Variants in KCNQ3 observed in about 807,000 individuals in gnomAD.
KCNQ3 encodes potassium voltage-gated channel subfamily Q member 3.
Under a neutral mutation model 92.5 loss-of-function variants are expected in KCNQ3, and 30 were observed. That is an observed-to-expected ratio of 0.32 (90% confidence interval 0.24 to 0.44). The LOEUF is 0.44. Among genes scored for constraint, KCNQ3 ranks in the 20% least tolerant of loss-of-function variants. The probability of loss-of-function intolerance (pLI) is 1.00; values close to 1 mark genes in which losing one functional copy is unlikely to be tolerated. For missense variants in KCNQ3, 913 were observed against 1,140.3 expected (o/e 0.80, Z 2.87); for synonymous variants, 450 against 468.8 (o/e 0.96, Z 0.52).
intron 9 of KCNQ3, among the ~76,000 whole-genome samples, chr8:132,145,631 G>A (rs1259034551): frequency 2.6e-5 from 4 of 152,198 alleles, no homozygotes; most frequent in East Asian, 1.9e-4. Flanking sequence ...TGATAAAGTC[G>A]AGAAGACTTC....
chr8:132,413,185 C>T (rs1261789212), intron 1 of KCNQ3, among the ~76,000 whole-genome samples: 1 of 152,250 alleles, frequency 6.6e-6, no homozygotes, highest in Non-Finnish European at 1.5e-5. Context: ...CTTAAGTTCC[C>T]CTTCTACCCA....
intron 1 of KCNQ3, among the ~76,000 whole-genome samples, chr8:132,216,776 T>C (rs886673355): frequency 5.9e-5 from 9 of 152,222 alleles, no homozygotes; most frequent in Admixed American, 5.9e-4. Context: ...TAGCTCATAG[T>C]CCTCTCTGAC....
intron 1 of KCNQ3, among the ~76,000 whole-genome samples, chr8:132,393,937 C>T (rs550985125): frequency 1.6e-4 from 25 of 152,330 alleles, no homozygotes; most frequent in Non-Finnish European, 3.2e-4. Context: ...TGTACAGATT[C>T]CTTCACTCAT....
At chr8:132,286,211 C>G (rs1816676351) in intron 1 of KCNQ3, among the ~76,000 whole-genome samples, 2 of 152,156 alleles carry the variant, frequency 1.3e-5, no homozygotes, top group South Asian at 4.1e-4. Context: ...CAATGCCTGC[C>G]TAAGAAAGCC....
chr8:132,324,595 C>A (rs971446977), intron 1 of KCNQ3, among the ~76,000 whole-genome samples: 1 of 152,188 alleles, frequency 6.6e-6, no homozygotes, highest in African/African-American at 2.4e-5. Flanking sequence ...AGGCTAATGA[C>A]CAAGCAGAAT....
intron 12 of KCNQ3, among the ~76,000 whole-genome samples, chr8:132,136,960 G>C (rs1177689318): frequency 6.8e-6 from 1 of 146,668 alleles, no homozygotes; most frequent in Non-Finnish European, 1.5e-5. Context: ...GCCCCCCCAG[G>C]TTCAAGCGAT....
rs377714099 is a variant in KCNQ3 at position 132,463,659 on chromosome 8, C to T, written c.386+16488G>A. Among the ~76,000 whole-genome samples, 24 of 152,282 alleles carry T rather than the reference C, an allele frequency of 1.6e-4. No individual in the cohort carries two copies. The East Asian group carries it at 1.9e-3, about 12-fold the overall frequency. ...AGGTGACTCGGGCCAGGCAGCAAAT[C>T]TTTTCTTCTACACTTCTATTTTCAA... On this transcript the variant is annotated intron_variant, in intron 1 of 14. Coordinates refer to ENST00000388996, the MANE Select transcript of KCNQ3 (RefSeq NM_004519.4).
In KCNQ3 at chr8:132,129,845, T is replaced by G; in HGVS notation, c.2036A>C (p.Asp679Ala). The change falls in exon 15 of 15, where the codon GAT (aspartate) becomes GCT (alanine). Residue 679 changes from aspartate to alanine, a missense_variant. Coordinates refer to ENST00000388996, the MANE Select transcript of KCNQ3 (RefSeq NM_004519.4). This position sits in a 1 kb window ranked among gnomAD's most constrained non-coding sequence, Gnocchi z 5.9. The stretch of plus-strand genomic sequence containing the variant: ...ATAGTTGCAGATGATGGTTTTCAAA[T>G]CGGAATACCTGTTGTCCTCCTTCTT... ...AEKKEDNRYS[D>A]LKTIICNYSE... The G allele has an allele frequency of 6.2e-7, 1 of 1,614,144 alleles. No individual in the cohort carries two copies. Among genetic ancestry groups the G allele is most frequent in the Non-Finnish European group, 8.5e-7 (1 of 1,180,014 alleles).
intron 8 of KCNQ3, among the ~76,000 whole-genome samples, chr8:132,164,969 G>A (rs901559260): frequency 2.9e-4 from 44 of 152,104 alleles, no homozygotes; most frequent in African/African-American, 9.9e-4. Flanking sequence ...AAGGGCCCAT[G>A]CTCTTAATGA....
intron 1 of KCNQ3, among the ~76,000 whole-genome samples, chr8:132,344,123 G>A (rs1563870075): frequency 6.6e-6 from 1 of 152,172 alleles, no homozygotes; most frequent in Admixed American, 6.5e-5. Context: ...GATATCTAAG[G>A]AGGAAAAGGG....
chr8:132,355,768 G>A (rs748296386), intron 1 of KCNQ3, among the ~76,000 whole-genome samples: 1 of 152,088 alleles, frequency 6.6e-6, no homozygotes, highest in South Asian at 2.1e-4. Flanking sequence ...CCTAGTCTTC[G>A]GAAAACACAG....
At chr8:132,139,857 G>T (rs1372248718) in intron 11 of KCNQ3, among the ~76,000 whole-genome samples, 1 of 152,100 alleles carries the variant, frequency 6.6e-6, no homozygotes, top group Non-Finnish European at 1.5e-5. Context: ...AACAAGGCAG[G>T]TACCTACGAG....
In KCNQ3 at chr8:132,128,508, T is replaced by TGTGC; in HGVS notation, c.*753_*754insGCAC. The TGTGC allele has an allele frequency of 2.8e-4, 1 of 3,538 alleles. No homozygotes were observed. The highest frequency in any genetic ancestry group is 5.2e-3 in the South Asian group (1 of 194). The allele number at this position is 3,538 out of a possible 1,614,324, so 0.2% of individuals were successfully genotyped here. On this transcript the variant is annotated 3_prime_UTR_variant, in exon 15 of 15. Transcript: ENST00000388996. ...TTGGAAACTATTTTAACTTTGTGTATGTGTGTGTGTGTGTGTGTGTGTGTG... is the reference window on the plus strand; with the variant it reads ...TTGGAAACTATTTTAACTTTGTGTATGTGCGTGTGTGTGTGTGTGTGTGTGTGTG...
chr8:132,320,840 C>T lies in KCNQ3; in HGVS notation c.387-134659G>A, dbSNP rs528834364. ...TGATCATGTTTGCCACTTCTCAGCA[C>T]CTCTGTCCAACCAGCAGAAGCCCTC... On this transcript the variant is annotated intron_variant, in intron 1 of 14. Transcript: ENST00000388996. 3.9e-5 allele frequency among the ~76,000 whole-genome samples: 6 copies of T among 152,292 alleles called. No individual in the cohort carries two copies. The South Asian group carries it at 1.2e-3, about 32-fold the overall frequency.
rs1183228440 is a variant in KCNQ3, at chr8:132,129,710, C to A, written c.2171G>T (p.Gly724Val). ...AHDPVNLPRG[G>V]PSSGKVQATP... ...TGCCTGAACCTTTCCAGAACTGGGT[C>A]CCCCTCGGGGCAGGTTCACAGGGTC... is the stretch of plus-strand genomic sequence containing the variant. The change falls in exon 15 of 15, where the codon GGA becomes GTA. Residue 724 changes from glycine (G) to valine (V), a missense_variant. Gly to Val is a moderately radical substitution (Grantham distance 109). This residue lies in a region of KCNQ3 where 375 missense variants were observed against 376.4 expected (regional missense o/e 1.00). Transcript: ENST00000388996. The surrounding 1 kb of genome is among the most constrained non-coding windows in gnomAD (Gnocchi z 5.9). 6 of 1,614,130 alleles carry A rather than the reference C, an allele frequency of 3.7e-6. No homozygotes were observed. In the East Asian group the frequency reaches 1.1e-4, roughly 30 times the overall value.
chr8:132,433,719 A>G (rs1021350640), intron 1 of KCNQ3, among the ~76,000 whole-genome samples: 34 of 151,236 alleles, frequency 2.2e-4, no homozygotes, highest in African/African-American at 7.8e-4. Flanking sequence ...GCAAAAACCC[A>G]TCTCTACTAA....
At chr8:132,245,223 T>C (rs77539447) in intron 1 of KCNQ3, among the ~76,000 whole-genome samples, 5,162 of 152,220 alleles carry the variant, frequency 0.034, 320 homozygotes, top group African/African-American at 0.12. Flanking sequence ...CAGGCAGTTG[T>C]AAGGGTTCTC....
At chr8:132,258,305 A>G (rs575463827) in intron 1 of KCNQ3, among the ~76,000 whole-genome samples, 4 of 152,302 alleles carry the variant, frequency 2.6e-5, no homozygotes, top group South Asian at 4.1e-4. Context: ...AAATAATACA[A>G]TATGTGTTCT....
intron 1 of KCNQ3, among the ~76,000 whole-genome samples, chr8:132,312,655 G>A (rs143813656): frequency 5.1e-4 from 78 of 152,212 alleles, no homozygotes; most frequent in Middle Eastern, 6.8e-3. Flanking sequence ...TCATGGGGGC[G>A]GTTTCCCCCA....
Sources: gnomAD v4.1 joint callset for allele counts (sites outside exome capture counted in the v4.1 genomes callset) on GRCh38, gnomAD v4.1.1 for gene constraint, gnomAD v4.1.1 regional missense constraint, Gnocchi (gnomAD v3.1) non-coding constraint, MANE v1.5 for transcripts, NCBI Gene and HGNC (gene_info 2026-07-23, HGNC 2026-07-21) for gene names.